TENM2: variants seen among roughly 807,000 people sequenced by gnomAD.
TENM2 encodes teneurin transmembrane protein 2, also known as teneurin-2.
TENM2 carries 52 observed loss-of-function variants against 245.2 expected under a neutral mutation model. The observed-to-expected ratio is 0.21, with a 90% CI of 0.17 to 0.27. TENM2 has a LOEUF of 0.27. Ranked by LOEUF, TENM2 falls within the 10% of genes least tolerant of loss-of-function variation. The pLI, the probability that TENM2 is intolerant of heterozygous loss-of-function variation, is 1.00. For synonymous variants in TENM2, 1,363 were observed against 1,438.9 expected, an observed-to-expected ratio of 0.95 and a Z score of 1.19; for missense variants, 3,046 against 3,666.8, an observed-to-expected ratio of 0.83 and a Z score of 4.37.
intron 5 of TENM2, among the ~76,000 whole-genome samples, chr5:168,008,786 A>G (rs1785013527): frequency 6.6e-6 from 1 of 152,218 alleles, no homozygotes; most frequent in Non-Finnish European, 1.5e-5. Context: ...TTAACCTCAT[A>G]TCTTTAAATC....
rs770023260 is a variant in TENM2, at chr5:168,201,278, TTG to T, written c.3430+1159_3430+1160del. 5.3e-4 allele frequency among the ~76,000 whole-genome samples: 81 copies of T among 151,626 alleles called. 1 individual carries two copies. The highest frequency in any genetic ancestry group is 6.9e-4 in the Non-Finnish European group (47 of 67,872). On this transcript the variant is annotated intron_variant, in intron 17 of 28. Transcript: ENST00000518659. ...ACTGGCTAATCAAATATATGTATAT[TTG>T]TGTGTGTGTGTATATATATATACAC... is the stretch of plus-strand genomic sequence containing the variant.
intron 23 of TENM2, among the ~76,000 whole-genome samples, chr5:168,224,930 G>A (rs1764019929): frequency 6.6e-6 from 1 of 152,200 alleles, no homozygotes; most frequent in South Asian, 2.1e-4. Flanking sequence ...GTGGGGAAAG[G>A]CTGTCCCAAC....
At chr5:167,112,438 A>G in the TENM2 span, among the ~76,000 whole-genome samples, 1 of 152,202 alleles carries the variant, frequency 6.6e-6, no homozygotes, top group East Asian at 1.9e-4. Context: ...TTGGGGAAAA[A>G]GGTTCATGTA....
At chr5:168,089,506 G>A (rs114337481) in intron 7 of TENM2, among the ~76,000 whole-genome samples, 2,426 of 152,170 alleles carry the variant, frequency 0.016, 67 homozygotes, top group African/African-American at 0.055. Context: ...CCTTATCCTG[G>A]TAGGCTTAGT....
intron 2 of TENM2, among the ~76,000 whole-genome samples, chr5:167,858,632 C>G (rs1351732873): frequency 6.6e-6 from 1 of 151,684 alleles, no homozygotes; most frequent in East Asian, 1.9e-4. Flanking sequence ...CGCGGCTGCG[C>G]TGCGGCCCGG....
At chr5:167,833,927 C>A (rs980851178) in intron 2 of TENM2, among the ~76,000 whole-genome samples, 1 of 152,182 alleles carries the variant, frequency 6.6e-6, no homozygotes, top group South Asian at 2.1e-4. Flanking sequence ...GAAGCCCATA[C>A]CTGAACTGTT....
chr5:168,116,707 G>A (rs551946803), intron 9 of TENM2, among the ~76,000 whole-genome samples: 56 of 152,152 alleles, frequency 3.7e-4, no homozygotes, highest in Non-Finnish European at 6.6e-4. Context: ...AATTAGACAC[G>A]CACAGAGGAA....
intron 4 of TENM2, among the ~76,000 whole-genome samples, chr5:167,987,750 A>G (rs950804591): frequency 4.6e-5 from 7 of 152,132 alleles, no homozygotes; most frequent in African/African-American, 1.7e-4. Context: ...CCAGGCGATC[A>G]CTTGAGTGCT....
chr5:167,981,048 T>C (rs1690160795), intron 4 of TENM2, among the ~76,000 whole-genome samples: 1 of 152,194 alleles, frequency 6.6e-6, no homozygotes. Flanking sequence ...AGGACCTTTC[T>C]CTGGGAACAG....
chr5:167,826,693 T>C (rs1767999298), intron 2 of TENM2, among the ~76,000 whole-genome samples: 1 of 152,188 alleles, frequency 6.6e-6, no homozygotes, highest in Non-Finnish European at 1.5e-5. Context: ...TGGCCAAAGG[T>C]TAAGAGCACA....
At chr5:167,531,277 C>T (rs1343447087) in intron 2 of TENM2, among the ~76,000 whole-genome samples, 1 of 152,136 alleles carries the variant, frequency 6.6e-6, no homozygotes, top group Non-Finnish European at 1.5e-5. Context: ...TTATTGTTTT[C>T]AGAAACTGCA....
At chr5:168,169,201 C>T (rs1385920272) in intron 13 of TENM2, among the ~76,000 whole-genome samples, 4 of 152,194 alleles carry the variant, frequency 2.6e-5, no homozygotes, top group Non-Finnish European at 5.9e-5. Context: ...CAGCTCGTCT[C>T]CATGGAGTGT....
At chr5:168,060,197 C>G (rs1271130729) in intron 6 of TENM2, among the ~76,000 whole-genome samples, 1 of 150,332 alleles carries the variant, frequency 6.7e-6, no homozygotes, top group Non-Finnish European at 1.5e-5. Flanking sequence ...AGACCAGTGC[C>G]TGGGCAACAT....
intron 9 of TENM2, among the ~76,000 whole-genome samples, chr5:168,099,355 C>T (rs1793625766): frequency 6.6e-6 from 1 of 152,080 alleles, no homozygotes; most frequent in Admixed American, 6.6e-5. Flanking sequence ...CCCAGCTCTG[C>T]CATTGGGTAT....
exon 21 of TENM2, chr5:168,215,183 C>A: frequency 6.2e-7 from 1 of 1,613,784 alleles, no homozygotes; most frequent in Non-Finnish European, 8.5e-7. Context: ...GAAGTTGTGG[C>A]AGGGACGGGA....
At chr5:168,159,742 A>G (rs1031877423) in intron 12 of TENM2, among the ~76,000 whole-genome samples, 2 of 152,078 alleles carry the variant, frequency 1.3e-5, no homozygotes, top group Admixed American at 6.5e-5. Flanking sequence ...CCAGCTTCCT[A>G]CTTTTCTTGT....
chr5:168,022,675 T>A (rs1234537195), intron 5 of TENM2, among the ~76,000 whole-genome samples: 3 of 152,190 alleles, frequency 2.0e-5, no homozygotes, highest in Admixed American at 6.5e-5. Context: ...GTAGAAACAC[T>A]CCATGAAATG....
At chr5:167,821,957 G>T (rs1417856481) in intron 2 of TENM2, among the ~76,000 whole-genome samples, 1 of 152,044 alleles carries the variant, frequency 6.6e-6, no homozygotes, top group Admixed American at 6.6e-5. Context: ...CTGTGGTTTT[G>T]TCTTGTGAAG....
chr5:167,936,161 GT>G (rs1778696775), intron 3 of TENM2, among the ~76,000 whole-genome samples: 1 of 152,106 alleles, frequency 6.6e-6, no homozygotes, highest in South Asian at 2.1e-4. Context: ...TCTGTAATTT[GT>G]TTCCCATCAA....
Sources: allele counts gnomAD v4.1 joint callset (sites outside exome capture counted in the v4.1 genomes callset), GRCh38; gene constraint gnomAD v4.1.1; transcripts MANE v1.5; gene names NCBI Gene and HGNC (gene_info 2026-07-23, HGNC 2026-07-21).